NTM: variants seen among roughly 807,000 people sequenced by gnomAD.
The protein encoded by NTM is neurotrimin, also known as IgLON family member 2.
NTM carries 13 observed loss-of-function variants against 42.1 expected under a neutral mutation model. The observed-to-expected ratio is 0.31, with a 90% confidence interval of 0.20 to 0.49. The LOEUF (loss-of-function observed/expected upper bound fraction) is 0.49. Ranked by LOEUF, NTM falls within the 20% of genes least tolerant of loss-of-function variation. The pLI is 0.99. For missense variants in NTM, 373 were observed against 452.8 expected (o/e 0.82, Z 1.60); for synonymous variants, 187 against 179.2 (o/e 1.04, Z -0.35).
chr11:132,005,150 A>G (rs1442450613), intron 2 of NTM, among the ~76,000 whole-genome samples: 2 of 152,110 alleles, frequency 1.3e-5, no homozygotes, highest in Non-Finnish European at 2.9e-5. Context: ...AGGGAGTCTA[A>G]AAAAATATCA....
chr11:131,756,535 A>T (rs2083361776), intron 1 of NTM, among the ~76,000 whole-genome samples: 1 of 151,866 alleles, frequency 6.6e-6, no homozygotes, highest in Non-Finnish European at 1.5e-5. Context: ...AAAAAAAAAA[A>T]AAATTAGCTG....
chr11:131,545,773 G>A (rs1014915587), intron 1 of NTM, among the ~76,000 whole-genome samples: 7 of 152,222 alleles, frequency 4.6e-5, no homozygotes, highest in Admixed American at 3.9e-4. Context: ...ATATGAAACT[G>A]AGTTGAAGGT....
At chr11:131,882,479 G>T (rs2049693163) in intron 1 of NTM, among the ~76,000 whole-genome samples, 1 of 152,222 alleles carries the variant, frequency 6.6e-6, no homozygotes, top group African/African-American at 2.4e-5. Flanking sequence ...ACCTGCCCAT[G>T]ACATCTGGAA....
At position 132,002,562 on chromosome 11, in the gene NTM, A is replaced by T. The variant is rs115041791; in HGVS notation, c.167+90914A>T. ...ATGATGTGTTGGTGTCTGTCCCCCA[A>T]ATTGGAGGCTTCTGGCCATTGCTTG... On this transcript the variant is annotated intron_variant, in intron 2 of 8. Coordinates refer to ENST00000683400, the MANE Select transcript of NTM (RefSeq NM_001352005.2). This position sits in a 1 kb window ranked among gnomAD's most constrained non-coding sequence, Gnocchi z 4.5. Among the ~76,000 whole-genome samples, 2 of 152,170 alleles carry T rather than the reference A, an allele frequency of 1.3e-5. No homozygotes were observed. Among genetic ancestry groups the T allele is most frequent in the Admixed American group, 6.5e-5 (1 of 15,280 alleles).
chr11:131,377,063 T>G (rs187182097), intron 1 of NTM, among the ~76,000 whole-genome samples: 1 of 152,292 alleles, frequency 6.6e-6, no homozygotes, highest in Admixed American at 6.5e-5. Flanking sequence ...GGGTGGAGAC[T>G]TCATGGCACA....
chr11:131,533,093 G>GTTGTTC (rs947356216), intron 1 of NTM, among the ~76,000 whole-genome samples: 3 of 152,050 alleles, frequency 2.0e-5, no homozygotes, highest in African/African-American at 4.8e-5. Flanking sequence ...TTTTATTGTT[G>GTTGTTC]TTGTTCTTGT....
intron 1 of NTM, among the ~76,000 whole-genome samples, chr11:131,763,404 A>G (rs796184824): frequency 1.1e-4 from 16 of 152,340 alleles, no homozygotes; most frequent in African/African-American, 3.8e-4. Context: ...TCATTGAATC[A>G]ATGCAGGTCG....
At chr11:131,591,660 T>C (rs61901568) in intron 1 of NTM, among the ~76,000 whole-genome samples, 2 of 152,212 alleles carry the variant, frequency 1.3e-5, no homozygotes, top group East Asian at 1.9e-4. Flanking sequence ...CTTCAGTGTG[T>C]CTTTCACCAG....
At chr11:132,148,938 A>G (rs1034092890) in intron 3 of NTM, among the ~76,000 whole-genome samples, 16 of 152,070 alleles carry the variant, frequency 1.1e-4, no homozygotes, top group Non-Finnish European at 1.3e-4. Flanking sequence ...CTCGCATGAC[A>G]CACCACCTCA....
intron 4 of NTM, chr11:132,306,506 ATGTGTG>A (rs1203773760): frequency 2.6e-5 from 4 of 151,972 alleles, no homozygotes; most frequent in South Asian, 4.2e-4. Flanking sequence ...GCTTTCGTGC[ATGTGTG>A]TGTGTGAGTG....
intron 4 of NTM, among the ~76,000 whole-genome samples, chr11:132,246,968 C>A (rs2139313474): frequency 6.6e-6 from 1 of 152,342 alleles, no homozygotes; most frequent in South Asian, 2.1e-4. Context: ...TTAAGCTTTG[C>A]AGATACTGTT....
intron 2 of NTM, among the ~76,000 whole-genome samples, chr11:132,095,885 A>C (rs1367643336): frequency 6.6e-6 from 1 of 152,186 alleles, no homozygotes; most frequent in African/African-American, 2.4e-5. Context: ...ACTGTACTCT[A>C]CCTGGGCCAA....
At chr11:132,127,074 G>T (rs61121987) in intron 2 of NTM, among the ~76,000 whole-genome samples, 20,896 of 151,932 alleles carry the variant, frequency 0.14, 1,492 homozygotes, top group Middle Eastern at 0.16. Context: ...TTTCTGGTGC[G>T]TTCTCCCAAA....
chr11:131,585,121 G>A (rs1345579582), intron 1 of NTM, among the ~76,000 whole-genome samples: 4 of 152,242 alleles, frequency 2.6e-5, no homozygotes, highest in African/African-American at 4.8e-5. Context: ...AGACGGGGAA[G>A]CAGAGCTTTT....
intron 4 of NTM, among the ~76,000 whole-genome samples, chr11:132,298,706 C>T (rs1591825836): frequency 6.6e-6 from 1 of 151,922 alleles, no homozygotes; most frequent in African/African-American, 2.4e-5. Context: ...CCCAGATTTC[C>T]CTATCAAAAA....
intron 2 of NTM, among the ~76,000 whole-genome samples, chr11:132,041,585 G>A (rs1007929072): frequency 5.3e-5 from 8 of 152,206 alleles, no homozygotes; most frequent in African/African-American, 1.9e-4. Context: ...CTGTCTCTCA[G>A]TGGGTATGAA....
intron 1 of NTM, among the ~76,000 whole-genome samples, chr11:131,756,816 C>A: frequency 6.6e-6 from 1 of 152,272 alleles, no homozygotes; most frequent in East Asian, 1.9e-4. Flanking sequence ...AACACATAGT[C>A]CTAGGGTACT....
At chr11:132,039,569 G>T (rs2076932357) in intron 2 of NTM, among the ~76,000 whole-genome samples, 1 of 152,058 alleles carries the variant, frequency 6.6e-6, no homozygotes, top group Non-Finnish European at 1.5e-5. Flanking sequence ...AGACTTCAAT[G>T]GGAAGGACCT....
At chr11:131,702,943 G>A (rs1399161224) in intron 1 of NTM, among the ~76,000 whole-genome samples, 10 of 152,276 alleles carry the variant, frequency 6.6e-5, no homozygotes, top group Admixed American at 3.9e-4. Flanking sequence ...TACAATATAG[G>A]ATTTTTTTGT....
Sources: gnomAD v4.1 joint callset for allele counts (sites outside exome capture counted in the v4.1 genomes callset) on GRCh38, gnomAD v4.1.1 for gene constraint, Gnocchi (gnomAD v3.1) non-coding constraint, MANE v1.5 for transcripts, NCBI Gene and HGNC (gene_info 2026-07-23, HGNC 2026-07-21) for gene names.